STK39: variants seen among roughly 807,000 people sequenced by gnomAD.
The protein encoded by STK39 is serine/threonine kinase 39.
Under a neutral mutation model 77.8 loss-of-function variants are expected in STK39, and 20 were observed. That is an observed-to-expected ratio of 0.26 (90% CI 0.18 to 0.37). The LOEUF is 0.37. Ranked by LOEUF, STK39 falls within the 10% of genes least tolerant of loss-of-function variation. The pLI, the probability that STK39 is intolerant of heterozygous loss-of-function variation, is 1.00. For synonymous variants in STK39, 246 were observed against 234.1 expected (o/e 1.05, Z -0.47); for missense variants, 479 against 656.5 (o/e 0.73, Z 2.95).
rs147975637 is a variant in STK39, at chr2:167,958,347, A to G, written c.1564-2777T>C. On this transcript the variant is annotated intron_variant, in intron 17 of 17. Transcript: ENST00000355999. ...ATTTAAAAACATAAAATAGGTTTACATAAATTAATTATACTATCTTAAATT... is the reference window on the plus strand; with the variant it reads ...ATTTAAAAACATAAAATAGGTTTACGTAAATTAATTATACTATCTTAAATT... Among the ~76,000 whole-genome samples, 1,259 of 152,336 alleles carry G rather than the reference A, an allele frequency of 8.3e-3. 10 individuals are homozygous for G. The highest frequency in any genetic ancestry group is 0.028 in the African/African-American group (1,157 of 41,586).
At chr2:168,207,811 G>A (rs1335100117) in intron 1 of STK39, among the ~76,000 whole-genome samples, 1 of 152,192 alleles carries the variant, frequency 6.6e-6, no homozygotes, top group Non-Finnish European at 1.5e-5. Flanking sequence ...GGACAGTGAG[G>A]TTTGGACAGT....
At chr2:168,086,140 C>T (rs768678342) in intron 10 of STK39, among the ~76,000 whole-genome samples, 5 of 152,122 alleles carry the variant, frequency 3.3e-5, no homozygotes, top group African/African-American at 4.8e-5. Context: ...ATCAGGATAA[C>T]GATGGTGATA....
intron 1 of STK39, among the ~76,000 whole-genome samples, chr2:168,215,737 A>G (rs1022708407): frequency 6.6e-6 from 1 of 152,214 alleles, no homozygotes; most frequent in East Asian, 1.9e-4. Context: ...AAATAATCAG[A>G]CAAGAGGAAA....
chr2:168,221,459 T>C (rs1015365519), intron 1 of STK39, among the ~76,000 whole-genome samples: 6 of 152,202 alleles, frequency 3.9e-5, no homozygotes, highest in South Asian at 2.1e-4. Flanking sequence ...AATGGCAAAG[T>C]TGTATGAAAA....
At chr2:168,134,016 G>T (rs1179071969) in intron 8 of STK39, among the ~76,000 whole-genome samples, 1 of 152,058 alleles carries the variant, frequency 6.6e-6, no homozygotes, top group Non-Finnish European at 1.5e-5. Context: ...GGCTAATGTG[G>T]AACCACCAGT....
At chr2:168,037,339 C>T (rs78298840) in intron 14 of STK39, among the ~76,000 whole-genome samples, 101 of 152,340 alleles carry the variant, frequency 6.6e-4, no homozygotes, top group Non-Finnish European at 1.3e-3. Context: ...GCTTTCTTCA[C>T]TGCCATCAAG....
At chr2:168,097,559 C>T (rs1362888684) in intron 10 of STK39, among the ~76,000 whole-genome samples, 1 of 152,040 alleles carries the variant, frequency 6.6e-6, no homozygotes, top group Non-Finnish European at 1.5e-5. Flanking sequence ...ACCTCATCTC[C>T]CCCCACACCC....
chr2:168,120,795 A>G (rs1451057526), intron 10 of STK39, among the ~76,000 whole-genome samples: 1 of 152,192 alleles, frequency 6.6e-6, no homozygotes, highest in East Asian at 1.9e-4. Flanking sequence ...ATGAGTGAGA[A>G]GCTGAGCTTC....
intron 1 of STK39, among the ~76,000 whole-genome samples, chr2:168,200,750 G>A (rs1229821169): frequency 2.0e-5 from 3 of 151,370 alleles, no homozygotes; most frequent in Non-Finnish European, 4.4e-5. Context: ...TGTTAAACAC[G>A]TTCTCATTTT....
intron 8 of STK39, among the ~76,000 whole-genome samples, chr2:168,132,979 TGTTCAATACAGC>T (rs1264683226): frequency 6.6e-6 from 1 of 152,226 alleles, no homozygotes; most frequent in Non-Finnish European, 1.5e-5. Context: ...TCTATGCATC[TGTTCAATACAGC>T]GGGGAACAGG....
At chr2:168,140,131 C>G (rs1164737037) in intron 7 of STK39, among the ~76,000 whole-genome samples, 158 bp downstream of exon 7, 4 of 152,230 alleles carry the variant, frequency 2.6e-5, no homozygotes, top group Non-Finnish European at 4.4e-5. Context: ...TTGTCCTATT[C>G]TGTCCACTGA....
intron 10 of STK39, 55 bp from the exon 11 acceptor site, chr2:168,075,286 C>T: frequency 1.2e-6 from 2 of 1,606,734 alleles, no homozygotes; most frequent in South Asian, 2.2e-5. Context: ...AACCATTTCA[C>T]TGGTGCTGCA....
At chr2:167,960,641 C>T (rs142119319) in intron 17 of STK39, among the ~76,000 whole-genome samples, 18 of 152,280 alleles carry the variant, frequency 1.2e-4, no homozygotes, top group African/African-American at 4.3e-4. Flanking sequence ...TCACCCCTCC[C>T]GCCATGACAG....
At chr2:168,164,085 T>A (rs1297949329) in intron 3 of STK39, among the ~76,000 whole-genome samples, 1 of 152,212 alleles carries the variant, frequency 6.6e-6, no homozygotes, top group Admixed American at 6.5e-5. Flanking sequence ...TCAGTGTGAA[T>A]TTAACGAGAA....
chr2:167,988,389 G>A (rs1201821680), intron 16 of STK39, among the ~76,000 whole-genome samples: 1 of 152,088 alleles, frequency 6.6e-6, no homozygotes, highest in Admixed American at 6.6e-5. Context: ...AGCTCTCCAT[G>A]TTTTCTAGCA....
At chr2:168,202,674 C>A (rs1040179742) in intron 1 of STK39, among the ~76,000 whole-genome samples, 8 of 151,940 alleles carry the variant, frequency 5.3e-5, no homozygotes, top group Admixed American at 4.6e-4. Flanking sequence ...CAGCAGCGAC[C>A]AAACTGCTAG....
At chr2:168,032,597 A>T (rs185537934) in intron 14 of STK39, among the ~76,000 whole-genome samples, 1 of 152,250 alleles carries the variant, frequency 6.6e-6, no homozygotes, top group African/African-American at 2.4e-5. Flanking sequence ...AAAGGATGTC[A>T]GGCTGGACAA....
At chr2:167,980,277 A>G (rs1683380106) in intron 16 of STK39, among the ~76,000 whole-genome samples, 1 of 152,206 alleles carries the variant, frequency 6.6e-6, no homozygotes, top group South Asian at 2.1e-4. Context: ...AATTCCAGAA[A>G]AGTTCTAATC....
chr2:168,211,321 A>C (rs1453034208), intron 1 of STK39, among the ~76,000 whole-genome samples: 3 of 152,198 alleles, frequency 2.0e-5, no homozygotes, highest in Non-Finnish European at 4.4e-5. Flanking sequence ...AACTAGAGTG[A>C]CTGTTCTTCA....
Sources: allele counts gnomAD v4.1 joint callset (sites outside exome capture counted in the v4.1 genomes callset), GRCh38; gene constraint gnomAD v4.1.1; transcripts MANE v1.5; gene names NCBI Gene and HGNC (gene_info 2026-07-23, HGNC 2026-07-21).